The following CHRDL2 variants were observed in gnomAD, a reference collection of about 807,000 sequenced individuals.
The protein encoded by CHRDL2 is chordin like 2.
A neutral mutation model predicts 54.3 loss-of-function variants in CHRDL2; 41 were observed. The ratio of observed to expected loss-of-function variants is 0.76; its 90% confidence interval spans 0.59 to 0.98. CHRDL2 has a LOEUF of 0.98. Ranked by LOEUF, CHRDL2 falls within the 50% of genes least tolerant of loss-of-function variation. CHRDL2 has a pLI of 0.00. For synonymous variants in CHRDL2, 220 were observed against 224.3 expected (o/e 0.98, Z 0.17); for missense variants, 518 against 562.4 (o/e 0.92, Z 0.80).
At chr11:74,725,690 A>G (rs1186654922) in intron 1 of CHRDL2, among the ~76,000 whole-genome samples, 1 of 152,206 alleles carries the variant, frequency 6.6e-6, no homozygotes, top group African/African-American at 2.4e-5. Flanking sequence ...ACAACTAGAA[A>G]GAAGCTTCTG....
At chr11:74,699,943 G>T (rs1007054020) in intron 9 of CHRDL2, among the ~76,000 whole-genome samples, 1 of 152,244 alleles carries the variant, frequency 6.6e-6, no homozygotes, top group Non-Finnish European at 1.5e-5. Flanking sequence ...GCCTGGCATT[G>T]TGAAGTTGTT....
intron 2 of CHRDL2, among the ~76,000 whole-genome samples, chr11:74,717,675 T>C (rs1158030848): frequency 1.3e-5 from 2 of 152,244 alleles, no homozygotes; most frequent in African/African-American, 4.8e-5. Context: ...CCTCCAGAGC[T>C]CTGTCTGCTC....
intron 6 of CHRDL2, 98 bp downstream of exon 6, chr11:74,706,389 A>G: frequency 8.4e-7 from 1 of 1,187,128 alleles, no homozygotes; most frequent in East Asian, 2.3e-5. Flanking sequence ...ACAAGAAATG[A>G]GGACAATAAC....
At chr11:74,723,194 AGACT>A (rs1390912479) in intron 1 of CHRDL2, among the ~76,000 whole-genome samples, 7 of 152,208 alleles carry the variant, frequency 4.6e-5, no homozygotes, top group Non-Finnish European at 1.0e-4. Flanking sequence ...GCTTTGGGAC[AGACT>A]GGATAGGATA....
At chr11:74,702,716 A>G (rs1395559044) in intron 9 of CHRDL2, 78 bp downstream of exon 9, 1 of 1,480,442 alleles carries the variant, frequency 6.8e-7, no homozygotes. Context: ...AAACGTCCCT[A>G]AGGCCCCTGT....
Position 74,703,495 on chromosome 11 carries a change from A to T in CHRDL2, c.756T>A (p.Cys252Ter). Residue 252 changes from cysteine to a stop codon, truncating the protein, a stop_gained, in exon 8 of 11, where the codon TGT becomes TGA. Transcript: ENST00000376332. LOFTEE classifies it high-confidence loss of function. ...GGGAGTACGTCTTCCCGCCATGCACACAGGCTGAATAAGGAGGGTGAGAAG... is the reference window on the plus strand; with the variant it reads ...GGGAGTACGTCTTCCCGCCATGCACTCAGGCTGAATAAGGAGGGTGAGAAG... ...IVLKEKHKKACVHGGKTYSHG... is the reference protein window; with the variant it reads ...IVLKEKHKKA The T allele has an allele frequency of 1.3e-6, 2 of 1,594,572 alleles. No homozygotes were observed.
chr11:74,697,661 C>G (rs761223535), intron 9 of CHRDL2: 3 of 459,998 alleles, frequency 6.5e-6, no homozygotes, highest in South Asian at 4.7e-5. Context: ...TTTCTTCTGT[C>G]TGTTCTCTTT....
intron 1 of CHRDL2, among the ~76,000 whole-genome samples, chr11:74,721,377 C>T (rs1019885003): frequency 2.0e-5 from 3 of 152,230 alleles, no homozygotes; most frequent in Middle Eastern, 3.2e-3. Flanking sequence ...TTCACCTCAC[C>T]GCCTGCTCAG....
At chr11:74,706,577 G>C in intron 5 of CHRDL2, 35 bp from the exon 6 acceptor site, 1 of 1,610,590 alleles carries the variant, frequency 6.2e-7, no homozygotes, top group African/African-American at 1.3e-5. Context: ...TCAGCCTCAG[G>C]CTCCCCAGCC....
intron 1 of CHRDL2, among the ~76,000 whole-genome samples, chr11:74,719,571 A>G (rs1210942557): frequency 6.6e-6 from 1 of 152,134 alleles, no homozygotes; most frequent in Non-Finnish European, 1.5e-5. Flanking sequence ...ACACTGTACT[A>G]TGTCCTTATA....
intron 9 of CHRDL2, among the ~76,000 whole-genome samples, chr11:74,701,797 C>G (rs556443442): frequency 6.6e-6 from 1 of 152,004 alleles, no homozygotes; most frequent in Non-Finnish European, 1.5e-5. Flanking sequence ...CCCTCTTCCA[C>G]CCCCACCCCG....
intron 1 of CHRDL2, among the ~76,000 whole-genome samples, chr11:74,720,010 CT>C (rs1251241337): frequency 3.9e-5 from 6 of 152,190 alleles, no homozygotes; most frequent in African/African-American, 1.4e-4. Flanking sequence ...TGCCTGAGCT[CT>C]TTTCAGGAGG....
chr11:74,725,738 A>G (rs942674388), intron 1 of CHRDL2, among the ~76,000 whole-genome samples: 1 of 152,178 alleles, frequency 6.6e-6, no homozygotes, highest in African/African-American at 2.4e-5. Context: ...TGGAAAGGGC[A>G]TCAGGAGGGG....
At chr11:74,699,670 C>A (rs1412267852) in intron 9 of CHRDL2, 1 of 152,274 alleles carries the variant, frequency 6.6e-6, no homozygotes, top group Non-Finnish European at 1.5e-5. Flanking sequence ...GCCCTTAACC[C>A]TAAGCCAACT....
intron 1 of CHRDL2, among the ~76,000 whole-genome samples, chr11:74,723,138 G>A (rs1473631476): frequency 6.6e-6 from 1 of 152,088 alleles, no homozygotes; most frequent in Non-Finnish European, 1.5e-5. Context: ...TGTGCTGATG[G>A]GCAAAAGTAC....
At chr11:74,724,471 C>G (rs2034542063) in intron 1 of CHRDL2, among the ~76,000 whole-genome samples, 1 of 152,258 alleles carries the variant, frequency 6.6e-6, no homozygotes, top group Admixed American at 6.5e-5. Context: ...CCCAGCCTAT[C>G]ATGAGGTGGC....
At chr11:74,699,321 T>C (rs2033720343) in intron 9 of CHRDL2, 1 of 152,300 alleles carries the variant, frequency 6.6e-6, no homozygotes, top group Admixed American at 6.5e-5. Context: ...AATCAAGAGC[T>C]AGCCTGAGGG....
intron 1 of CHRDL2, among the ~76,000 whole-genome samples, chr11:74,726,437 G>T (rs2135279370): frequency 6.6e-6 from 1 of 152,282 alleles, no homozygotes; most frequent in South Asian, 2.1e-4. Flanking sequence ...GCCTTAATTT[G>T]TAAACAGAAG....
chr11:74,731,196 G>A lies in CHRDL2; in HGVS notation c.-308C>T, dbSNP rs2034648756. On this transcript the variant is annotated 5_prime_UTR_variant, in exon 1 of 11. Transcript: ENST00000376332. The surrounding 1 kb of genome is among the most constrained non-coding windows in gnomAD (Gnocchi z 4.4). ...AAGGGGGAAGGTGAGAGGGAGAGGAGGAGAAAGCAGGGAGAGGACCGGCGT... is the reference window on the plus strand; with the variant it reads ...AAGGGGGAAGGTGAGAGGGAGAGGAAGAGAAAGCAGGGAGAGGACCGGCGT... 4 of 299,614 alleles carry A rather than the reference G, an allele frequency of 1.3e-5. No individual in the cohort carries two copies. The highest frequency in any genetic ancestry group is 6.2e-5 in the South Asian group (1 of 16,224). 18.6% of individuals were successfully genotyped at this position (299,614 alleles called of 1,614,324 possible). A position where few individuals can be genotyped will look rare whatever the true frequency, so the allele number is the denominator to read the frequency against.
Sources: allele counts gnomAD v4.1 joint callset (sites outside exome capture counted in the v4.1 genomes callset), GRCh38; gene constraint gnomAD v4.1.1; non-coding constraint Gnocchi (gnomAD v3.1); transcripts MANE v1.5; gene names NCBI Gene and HGNC (gene_info 2026-07-23, HGNC 2026-07-21).